FAM177A1: variants seen among roughly 807,000 people sequenced by gnomAD.
FAM177A1 encodes protein FAM177A1.
In FAM177A1, 22 loss-of-function variants were observed where a neutral mutation model predicts 26.1. The ratio of observed to expected loss-of-function variants is 0.84; its 90% CI spans 0.60 to 1.20. The LOEUF (loss-of-function observed/expected upper bound fraction) is 1.20. FAM177A1 is among the 50% of genes most tolerant of loss of function. The pLI, the probability that FAM177A1 is intolerant of heterozygous loss-of-function variation, is 0.00. For synonymous variants in FAM177A1, 95 were observed against 99.3 expected, an observed-to-expected ratio of 0.96 and a Z score of 0.26; for missense variants, 296 against 291.1, an observed-to-expected ratio of 1.02 and a Z score of -0.12.
At chr14:35,057,667 A>G (rs2045082556) in intron 2 of FAM177A1, among the ~76,000 whole-genome samples, 1 of 152,214 alleles carries the variant, frequency 6.6e-6, no homozygotes, top group Non-Finnish European at 1.5e-5. Flanking sequence ...GGTGTGAGCC[A>G]CTGCGCCCAG....
chr14:35,059,211 C>T (rs1223001476), intron 2 of FAM177A1, among the ~76,000 whole-genome samples: 1 of 152,132 alleles, frequency 6.6e-6, no homozygotes, highest in African/African-American at 2.4e-5. Flanking sequence ...AGGTGTGAGC[C>T]ACCACGCCTG....
chr14:35,058,274 C>T (rs1326456843), intron 2 of FAM177A1, among the ~76,000 whole-genome samples: 3 of 152,000 alleles, frequency 2.0e-5, no homozygotes, highest in Admixed American at 2.0e-4. Flanking sequence ...CCATGTTGGC[C>T]AGGATGGTCT....
intron 4 of FAM177A1, among the ~76,000 whole-genome samples, chr14:35,080,409 T>C (rs1215972621): frequency 3.3e-5 from 5 of 152,204 alleles, no homozygotes; most frequent in Admixed American, 3.3e-4. Flanking sequence ...AACTTTTTAT[T>C]TATTTAGCTT....
chr14:35,071,949 T>G (rs563541407), intron 2 of FAM177A1, among the ~76,000 whole-genome samples: 1 of 152,324 alleles, frequency 6.6e-6, no homozygotes, highest in East Asian at 1.9e-4. Flanking sequence ...ATATGTATTA[T>G]ATGCTCTATT....
At chr14:35,070,957 T>C (rs1270486575) in intron 2 of FAM177A1, among the ~76,000 whole-genome samples, 3 of 151,852 alleles carry the variant, frequency 2.0e-5, no homozygotes, top group Non-Finnish European at 4.4e-5. Flanking sequence ...AATGGGTGAA[T>C]TACATTTTTC....
At chr14:35,047,766 A>G (rs1359049412) in intron 1 of FAM177A1, among the ~76,000 whole-genome samples, 4 of 128,424 alleles carry the variant, frequency 3.1e-5, no homozygotes, top group East Asian at 2.4e-4. Context: ...AACAACAACA[A>G]CAACAACAAC....
chr14:35,075,350 T>G (rs2045378891), intron 2 of FAM177A1, among the ~76,000 whole-genome samples: 1 of 152,206 alleles, frequency 6.6e-6, no homozygotes, highest in South Asian at 2.1e-4. Context: ...CAGTTTCAGC[T>G]TTCTACCTAT....
intron 2 of FAM177A1, among the ~76,000 whole-genome samples, chr14:35,057,624 C>T (rs1264238018): frequency 6.6e-6 from 1 of 152,160 alleles, no homozygotes; most frequent in Non-Finnish European, 1.5e-5. Flanking sequence ...AGGTGATCTG[C>T]CCGCCTCGGC....
intron 1 of FAM177A1, 33 bp downstream of exon 1, chr14:35,046,661 A>G: frequency 6.6e-7 from 1 of 1,510,374 alleles, no homozygotes; most frequent in Non-Finnish European, 8.9e-7. Context: ...ACGTCCGGGG[A>G]GCCGAGCCGC....
chr14:35,068,450 T>A (rs2045271370), intron 2 of FAM177A1, among the ~76,000 whole-genome samples: 1 of 152,228 alleles, frequency 6.6e-6, no homozygotes, highest in Non-Finnish European at 1.5e-5. Flanking sequence ...GAGTCCTTTG[T>A]CCTCTGGCTT....
chr14:35,069,285 GTT>G (rs61628117), intron 2 of FAM177A1, among the ~76,000 whole-genome samples: 7 of 137,708 alleles, frequency 5.1e-5, no homozygotes, highest in Admixed American at 1.5e-4. Flanking sequence ...ATTGGAGTAG[GTT>G]TTTTTTTTTT....
intron 4 of FAM177A1, among the ~76,000 whole-genome samples, chr14:35,080,581 A>G (rs956373925): frequency 5.9e-5 from 9 of 152,136 alleles, no homozygotes; most frequent in Non-Finnish European, 5.9e-5. Flanking sequence ...TGGGTGGATC[A>G]CTTGTGGTCA....
At chr14:35,070,363 T>G (rs1268284890) in intron 2 of FAM177A1, among the ~76,000 whole-genome samples, 1 of 150,336 alleles carries the variant, frequency 6.7e-6, no homozygotes, top group Admixed American at 6.7e-5. Flanking sequence ...GGAGTCTCGC[T>G]CTGTCGTCCA....
rs896220245 is a variant in FAM177A1, at chr14:35,066,592, A to C, written c.340-10558A>C. ...GCTAATTTTTGTATTTTTAGTAGAG[A>C]CGAGGTTTCACCATGATGGCTAGGC... On this transcript the variant is annotated intron_variant, in intron 2 of 4. Transcript: ENST00000280987. 7.0e-4 allele frequency among the ~76,000 whole-genome samples: 105 copies of C among 150,746 alleles called. 5 individuals are homozygous for C. The highest frequency in any genetic ancestry group is 6.5e-3 in the Middle Eastern group (2 of 308).
At chr14:35,074,486 TGG>T (rs2045366190) in intron 2 of FAM177A1, among the ~76,000 whole-genome samples, 1 of 151,868 alleles carries the variant, frequency 6.6e-6, no homozygotes, top group Non-Finnish European at 1.5e-5. Context: ...CCACCATGCC[TGG>T]CTAATTTTTG....
intron 2 of FAM177A1, among the ~76,000 whole-genome samples, chr14:35,055,503 G>A (rs2045047946): frequency 6.8e-6 from 1 of 145,990 alleles, no homozygotes; most frequent in Non-Finnish European, 1.5e-5. Flanking sequence ...GCACAATCTT[G>A]GCTCACTGAA....
upstream of FAM177A1, chr14:35,046,244 C>T: frequency 4.6e-6 from 2 of 430,710 alleles, no homozygotes; most frequent in Non-Finnish European, 8.0e-6. Flanking sequence ...CCCGCCCCGC[C>T]CCGCGCGAGC....
At chr14:35,057,702 G>T (rs1052356726) in intron 2 of FAM177A1, among the ~76,000 whole-genome samples, 2 of 151,888 alleles carry the variant, frequency 1.3e-5, no homozygotes, top group African/African-American at 2.4e-5. Context: ...TTTATTTAAA[G>T]TATTTTCTTT....
intron 1 of FAM177A1, among the ~76,000 whole-genome samples, chr14:35,052,501 C>T (rs894938044): frequency 3.3e-5 from 5 of 151,888 alleles, no homozygotes; most frequent in Admixed American, 1.3e-4. Flanking sequence ...GAGCCCGCGC[C>T]TGGCCCAACT....
Sources: gnomAD v4.1 joint callset for allele counts (sites outside exome capture counted in the v4.1 genomes callset) on GRCh38, gnomAD v4.1.1 for gene constraint, MANE v1.5 for transcripts, NCBI Gene and HGNC (gene_info 2026-07-23, HGNC 2026-07-21) for gene names.